The following FCRL4 variants were observed in gnomAD, a reference collection of about 807,000 sequenced individuals.
The protein encoded by FCRL4 is Fc receptor-like protein 4.
FCRL4 carries 43 observed loss-of-function variants against 64.1 expected under a neutral mutation model. That is an observed-to-expected ratio of 0.67 (90% CI 0.53 to 0.87). The LOEUF (loss-of-function observed/expected upper bound fraction) is 0.87. FCRL4 is among the 40% of genes least tolerant of loss of function. The pLI, the probability that FCRL4 is intolerant of heterozygous loss-of-function variation, is 0.00. For synonymous variants in FCRL4, 253 were observed against 239.8 expected, an observed-to-expected ratio of 1.05 and a Z score of -0.51; for missense variants, 656 against 613.5, an observed-to-expected ratio of 1.07 and a Z score of -0.73.
intron 7 of FCRL4, among the ~76,000 whole-genome samples, 170 bp downstream of exon 7, chr1:157,581,361 C>A (rs560057067): frequency 1.2e-4 from 19 of 152,282 alleles, no homozygotes; most frequent in African/African-American, 3.6e-4. Flanking sequence ...CTTCTGTTTG[C>A]AAAACTGCCC....
intron 6 of FCRL4, among the ~76,000 whole-genome samples, chr1:157,585,141 A>G (rs1652643854): frequency 2.0e-5 from 3 of 152,072 alleles, no homozygotes; most frequent in Non-Finnish European, 4.4e-5. Context: ...AGGTAAGGAG[A>G]GTGAATTGAG....
chr1:157,583,010 A>G (rs1352615752), intron 6 of FCRL4, among the ~76,000 whole-genome samples: 1 of 152,222 alleles, frequency 6.6e-6, no homozygotes, highest in Non-Finnish European at 1.5e-5. Flanking sequence ...CCTAAAAGAA[A>G]TGGCTACTTT....
At chr1:157,585,350 C>CCTTCTTTCTTT (rs1558155015) in intron 6 of FCRL4, among the ~76,000 whole-genome samples, 15 of 41,518 alleles carry the variant, frequency 3.6e-4, no homozygotes, top group African/African-American at 1.4e-3. Flanking sequence ...CTCTCTCTTT[C>CCTTCTTTCTTT]TTTCTTTCTT....
chr1:157,580,482 G>T, intron 7 of FCRL4, 134 bp from the exon 8 acceptor site: 1 of 899,378 alleles, frequency 1.1e-6, no homozygotes, highest in Non-Finnish European at 1.8e-6. Context: ...GGGTTTTCAT[G>T]AAAATGAGGT....
At chr1:157,576,226 T>G (rs924056869) in intron 10 of FCRL4, among the ~76,000 whole-genome samples, 1 of 152,202 alleles carries the variant, frequency 6.6e-6, no homozygotes, top group African/African-American at 2.4e-5. Flanking sequence ...CAGATGTGAT[T>G]TGGTGAACCA....
intron 1 of FCRL4, 37 bp from the exon 2 acceptor site, chr1:157,596,385 G>C (rs201685929): frequency 6.2e-7 from 1 of 1,613,222 alleles, no homozygotes; most frequent in East Asian, 2.2e-5. Context: ...CAGCGTAGGC[G>C]AAGAGTCCCG....
chr1:157,575,845 T>A (rs192081827), intron 10 of FCRL4, 115 bp from the exon 11 acceptor site: 1 of 892,150 alleles, frequency 1.1e-6, no homozygotes, highest in African/African-American at 1.6e-5. Flanking sequence ...CCTCATCCCC[T>A]CCACCTCATC....
At chr1:157,590,880 AC>A (rs1037447492) in intron 2 of FCRL4, among the ~76,000 whole-genome samples, 18 of 152,292 alleles carry the variant, frequency 1.2e-4, no homozygotes, top group African/African-American at 2.2e-4. Context: ...AATCAAGAGA[AC>A]CTTTTTCCTT....
Position 157,596,201 on chromosome 1 carries a change from C to G in FCRL4, c.52+127G>C, listed in dbSNP as rs370739966. On this transcript the variant is annotated intron_variant, in intron 2 of 11. Transcript: ENST00000271532. ...TCAGAGTCACCACACGAGCTGATGT[C>G]TCTACATCCCTGCAGCACTCAGGAA... is the stretch of plus-strand genomic sequence containing the variant. 2.1e-5 allele frequency: 22 copies of G among 1,061,436 alleles called. No homozygotes were observed. The African/African-American group carries it at 2.7e-4, about 13-fold the overall frequency. The allele number at this position is 1,061,436 out of a possible 1,614,324, so 65.8% of individuals were successfully genotyped here.
rs766984372 is a variant in FCRL4, at chr1:157,588,018, T to C, written c.409A>G (p.Thr137Ala). The change falls in exon 4 of 12, where the codon ACT becomes GCT. Residue 137 changes from threonine to alanine, a missense_variant. Transcript: ENST00000271532. ...RKEKLTAVKY[T>A]WNGNILSISN... The stretch of plus-strand genomic sequence containing the variant: ...ATGGAAAGAATGTTTCCATTCCAAG[T>C]ATATTTCACAGCAGTCAATTTCTCT... The C allele has an allele frequency of 1.2e-6, 2 of 1,613,308 alleles. No individual in the cohort carries two copies. The highest frequency in any genetic ancestry group is 1.7e-5 in the Admixed American group (1 of 59,970).
chr1:157,584,734 C>G (rs1038935286), intron 6 of FCRL4, among the ~76,000 whole-genome samples: 3 of 152,040 alleles, frequency 2.0e-5, no homozygotes, highest in Non-Finnish European at 1.5e-5. Context: ...GAAAGTTGAG[C>G]CGCATCTGGG....
At position 157,587,546 on chromosome 1, in the gene FCRL4, G is replaced by T; in HGVS notation, c.577C>A (p.Pro193Thr). The T allele has an allele frequency of 6.2e-7, 1 of 1,613,900 alleles. No homozygotes were observed. Among genetic ancestry groups the T allele is most frequent in the Non-Finnish European group, 8.5e-7 (1 of 1,180,012 alleles). Residue 193 changes from proline to threonine, a missense_variant, in exon 5 of 12, where the codon CCA becomes ACA. Transcript: ENST00000271532. ...TGAGAGTCTGTAGCTTTCAGCTCTG[G>T]ATGTGGAAATAGTTCTAGAGAGAAG... Reference protein sequence around the residue: ...IIKIQELFPHPELKATDSQPT... With the variant: ...IIKIQELFPHTELKATDSQPT...
intron 2 of FCRL4, among the ~76,000 whole-genome samples, chr1:157,591,346 C>T (rs1279264277): frequency 1.3e-5 from 2 of 152,012 alleles, no homozygotes; most frequent in African/African-American, 2.4e-5. Flanking sequence ...ACCAGGTGGC[C>T]ATATTTTGGG....
At chr1:157,578,079 T>G (rs1652455515) in intron 10 of FCRL4, among the ~76,000 whole-genome samples, 1 of 152,160 alleles carries the variant, frequency 6.6e-6, no homozygotes, top group Non-Finnish European at 1.5e-5. Context: ...TAGCACTTAA[T>G]TAAAATGCCA....
chr1:157,585,536 G>C (rs906264279), intron 6 of FCRL4, among the ~76,000 whole-genome samples: 1 of 152,022 alleles, frequency 6.6e-6, no homozygotes, highest in Non-Finnish European at 1.5e-5. Flanking sequence ...GCTTGGCCCA[G>C]TGTGGCTTCT....
At position 157,587,372 on chromosome 1, in the gene FCRL4, C is replaced by G; in HGVS notation, c.751G>C (p.Val251Leu). 2.5e-6 allele frequency: 4 copies of G among 1,614,204 alleles called. No individual in the cohort carries two copies. The highest frequency in any genetic ancestry group is 3.4e-6 in the Non-Finnish European group (4 of 1,180,022). Residue 251 changes from valine to leucine, a missense_variant, in exon 5 of 12, where the codon GTC (valine) becomes CTC (leucine). Coordinates refer to ENST00000271532, the MANE Select transcript of FCRL4 (RefSeq NM_031282.3). ...STYPELQLPT[V>L]WRENSGSYWC... ...TAGGATCCTGAGTTTTCTCTCCAGA[C>G]GGTTGGGAGCTGGAGTTCCGGGTAC...
intron 4 of FCRL4, 105 bp from the exon 5 acceptor site, chr1:157,587,665 A>T (rs924725410): frequency 1.5e-5 from 19 of 1,299,622 alleles, no homozygotes; most frequent in Non-Finnish European, 2.0e-5. Context: ...ACACAGCAAG[A>T]CAAACTTATC....
At chr1:157,584,495 C>A (rs1028922627) in intron 6 of FCRL4, among the ~76,000 whole-genome samples, 1 of 151,722 alleles carries the variant, frequency 6.6e-6, no homozygotes, top group South Asian at 2.1e-4. Flanking sequence ...AAGATCACGC[C>A]ACTGAACTCC....
chr1:157,579,815 T>C (rs1445838339), intron 8 of FCRL4, among the ~76,000 whole-genome samples: 1 of 152,232 alleles, frequency 6.6e-6, no homozygotes, highest in Non-Finnish European at 1.5e-5. Flanking sequence ...CACACTCTTA[T>C]TCCTTACCTA....
Sources: allele counts gnomAD v4.1 joint callset (sites outside exome capture counted in the v4.1 genomes callset), GRCh38; gene constraint gnomAD v4.1.1; transcripts MANE v1.5; gene names NCBI Gene and HGNC (gene_info 2026-07-23, HGNC 2026-07-21).